IQCJ: variants seen among roughly 807,000 people sequenced by gnomAD.
IQCJ encodes the protein IQ domain-containing protein J.
A neutral mutation model predicts 11.0 loss-of-function variants in IQCJ; 9 were observed. The observed-to-expected ratio is 0.82, with a 90% CI of 0.49 to 1.43. The LOEUF (loss-of-function observed/expected upper bound fraction) is 1.43. Among genes scored for constraint, IQCJ ranks in the 40% most tolerant of loss-of-function variants. The pLI is 0.00. For synonymous variants in IQCJ, 55 were observed against 51.3 expected (o/e 1.07, Z -0.31); for missense variants, 146 against 133.2 (o/e 1.10, Z -0.47).
chr3:159,075,858 G>T (rs1715877196), intron 1 of IQCJ, among the ~76,000 whole-genome samples: 2 of 152,038 alleles, frequency 1.3e-5, no homozygotes, highest in Non-Finnish European at 2.9e-5. Flanking sequence ...GTAACACAGT[G>T]GTCAAGTAGC....
intron 1 of IQCJ, among the ~76,000 whole-genome samples, chr3:159,118,562 G>A (rs1176530736): frequency 6.6e-6 from 1 of 152,220 alleles, no homozygotes; most frequent in Non-Finnish European, 1.5e-5. Context: ...TGTCAGGGAT[G>A]TGAAGTGACT....
intron 1 of IQCJ, among the ~76,000 whole-genome samples, chr3:159,192,952 C>A (rs1235018151): frequency 6.6e-6 from 1 of 152,224 alleles, no homozygotes; most frequent in Non-Finnish European, 1.5e-5. Flanking sequence ...TCACAGCTGA[C>A]TCTCACCATT....
intron 1 of IQCJ, among the ~76,000 whole-genome samples, chr3:159,238,470 C>T (rs1003835492): frequency 1.3e-5 from 2 of 152,172 alleles, no homozygotes; most frequent in Non-Finnish European, 2.9e-5. Flanking sequence ...TTCTTTTCCT[C>T]TTAGAATAAC....
chr3:159,112,850 AAAATGGAAAG>A (rs1016642918), intron 1 of IQCJ, among the ~76,000 whole-genome samples: 7 of 152,206 alleles, frequency 4.6e-5, no homozygotes, highest in African/African-American at 1.7e-4. Flanking sequence ...GACCTGGAGA[AAAATGGAAAG>A]AAATGGAAAG....
intron 1 of IQCJ, among the ~76,000 whole-genome samples, chr3:159,151,597 A>G (rs897021164): frequency 6.6e-6 from 1 of 152,176 alleles, no homozygotes; most frequent in Non-Finnish European, 1.5e-5. Flanking sequence ...TCCTTCCCAA[A>G]AAACAAAACA....
intron 1 of IQCJ, among the ~76,000 whole-genome samples, chr3:159,240,880 A>G (rs1577106745): frequency 2.0e-5 from 3 of 152,188 alleles, no homozygotes; most frequent in Admixed American, 2.0e-4. Flanking sequence ...GGCATGAGCC[A>G]CCGCACCCGG....
At chr3:159,120,050 A>G (rs1719268016) in intron 1 of IQCJ, among the ~76,000 whole-genome samples, 1 of 152,250 alleles carries the variant, frequency 6.6e-6, no homozygotes, top group South Asian at 2.1e-4. Context: ...ATATACATGT[A>G]GTACTTTATT....
intron 1 of IQCJ, among the ~76,000 whole-genome samples, chr3:159,128,934 A>T (rs1312557206): frequency 2.0e-5 from 3 of 152,054 alleles, no homozygotes; most frequent in Admixed American, 6.6e-5. Flanking sequence ...GTCTTTGCTC[A>T]TCCTGTTTCT....
chr3:159,155,156 AT>A (rs143044702), intron 1 of IQCJ, among the ~76,000 whole-genome samples: 4,406 of 152,014 alleles, frequency 0.029, 206 homozygotes, highest in African/African-American at 0.1. Flanking sequence ...GCAACCAGTT[AT>A]TTATTTATTT....
chr3:159,141,653 A>C (rs1228116006), intron 1 of IQCJ, among the ~76,000 whole-genome samples: 1 of 152,242 alleles, frequency 6.6e-6, no homozygotes, highest in Admixed American at 6.5e-5. Context: ...TTTGTTAATT[A>C]ATATCTATAA....
At chr3:159,166,132 G>A (rs185251599) in intron 1 of IQCJ, among the ~76,000 whole-genome samples, 91 of 151,458 alleles carry the variant, frequency 6.0e-4, no homozygotes, top group African/African-American at 2.0e-3. Context: ...CTAAGCAACC[G>A]TTTCCACTGT....
At chr3:159,146,296 A>G (rs973773730) in intron 1 of IQCJ, among the ~76,000 whole-genome samples, 6 of 152,112 alleles carry the variant, frequency 3.9e-5, no homozygotes, top group Non-Finnish European at 8.8e-5. Flanking sequence ...GGAAATAAAC[A>G]TTTGGAGCTG....
At chr3:159,254,934 T>C (rs936023930) in intron 3 of IQCJ, among the ~76,000 whole-genome samples, 2 of 152,232 alleles carry the variant, frequency 1.3e-5, no homozygotes, top group African/African-American at 4.8e-5. Context: ...ACATCCTCAA[T>C]GGGTTTGTGC....
At chr3:159,265,486 A>G (rs1431246710), downstream of IQCJ, 2 of 1,099,398 alleles carry the variant, frequency 1.8e-6, no homozygotes, top group East Asian at 2.4e-5. Context: ...AGCTTCCTCT[A>G]ACAACCATGA....
downstream of IQCJ, chr3:159,265,240 T>C (rs373363866): frequency 1.4e-5 from 22 of 1,613,628 alleles, no homozygotes; most frequent in Non-Finnish European, 1.9e-5. Context: ...GTTGGGAAGA[T>C]TCATCCTTAC....
intron 1 of IQCJ, among the ~76,000 whole-genome samples, chr3:159,195,902 T>A (rs1357733753): frequency 6.6e-6 from 1 of 152,226 alleles, no homozygotes; most frequent in African/African-American, 2.4e-5. Context: ...GACAGTACAG[T>A]GTCTTGCATA....
chr3:159,088,870 T>A (rs1308030363), intron 1 of IQCJ, among the ~76,000 whole-genome samples: 1 of 152,192 alleles, frequency 6.6e-6, no homozygotes, highest in African/African-American at 2.4e-5. Flanking sequence ...TGACTCTTTA[T>A]CCAATTTGCC....
intron 1 of IQCJ, among the ~76,000 whole-genome samples, chr3:159,168,945 A>T (rs1280753217): frequency 6.7e-6 from 1 of 149,258 alleles, no homozygotes; most frequent in African/African-American, 2.5e-5. Context: ...ATGCCAGGCC[A>T]TCATTCTCAT....
At chr3:159,121,318 A>G (rs1442313146) in intron 1 of IQCJ, among the ~76,000 whole-genome samples, 1 of 151,548 alleles carries the variant, frequency 6.6e-6, no homozygotes, top group Admixed American at 6.6e-5. Flanking sequence ...AATTTTTTTT[A>G]GAGACTGGGT....
Sources: allele counts gnomAD v4.1 joint callset (sites outside exome capture counted in the v4.1 genomes callset), GRCh38; gene constraint gnomAD v4.1.1; transcripts MANE v1.5; gene names NCBI Gene and HGNC (gene_info 2026-07-23, HGNC 2026-07-21).